The following PPM1F variants were observed in gnomAD, a reference collection of about 807,000 sequenced individuals.
The protein encoded by PPM1F is protein phosphatase 1F.
A neutral mutation model predicts 35.5 loss-of-function variants in PPM1F; 17 were observed. That is an observed-to-expected ratio of 0.48 (90% CI 0.33 to 0.72). The LOEUF (loss-of-function observed/expected upper bound fraction) is 0.72. PPM1F is among the 30% of genes least tolerant of loss of function. The pLI, the probability that PPM1F is intolerant of heterozygous loss-of-function variation, is 0.02. For missense variants in PPM1F, 521 were observed against 613.0 expected (o/e 0.85, Z 1.59); for synonymous variants, 241 against 255.5 (o/e 0.94, Z 0.54).
In PPM1F at chr22:21,939,776, C is replaced by A; in HGVS notation, c.207-96G>T. ...TGTCAGCCCACATGCTGAGGGGTCA[C>A]GGCCAGCAGGGCGGCCCCTGTCCTC... On this transcript the variant is annotated intron_variant, in intron 2 of 7. Coordinates refer to ENST00000263212, the MANE Select transcript of PPM1F (RefSeq NM_014634.4). The surrounding 1 kb of genome is among the most constrained non-coding windows in gnomAD (Gnocchi z 5.1). 7.0e-7 allele frequency: 1 copy of A among 1,436,552 alleles called. No individual in the cohort carries two copies. Among genetic ancestry groups the A allele is most frequent in the South Asian group, 1.3e-5 (1 of 78,040 alleles). 89.0% of individuals were successfully genotyped at this position (1,436,552 alleles called of 1,614,324 possible). A position where few individuals can be genotyped will look rare whatever the true frequency, so the allele number is the denominator to read the frequency against.
chr22:21,923,208 G>A lies in PPM1F; in HGVS notation c.1249C>T (p.Gln417Ter). The change falls in exon 8 of 8, where the codon CAA becomes TAA. Residue 417 changes from glutamine (Q) to a stop codon, truncating the protein, a stop_gained. Coordinates refer to ENST00000263212, the MANE Select transcript of PPM1F (RefSeq NM_014634.4). LOFTEE classifies it low-confidence loss of function (END_TRUNC). ...TVMVVFLRDPQELLEGGNQGE... is the reference protein window; with the variant it reads ...TVMVVFLRDP ...TGGTTCCCGCCCTCCAGCAGCTCTT[G>A]GGGGTCCCTGAGGAAGACCACCATG... 2 of 1,613,618 alleles carry A rather than the reference G, an allele frequency of 1.2e-6. No homozygotes were observed. Among genetic ancestry groups the A allele is most frequent in the Non-Finnish European group, 8.5e-7 (1 of 1,179,968 alleles).
At position 21,934,192 on chromosome 22, in the gene PPM1F, A is replaced by G. The variant is rs781558922; in HGVS notation, c.390T>C (p.Phe130=). Residue 130 remains phenylalanine, a synonymous_variant, in exon 4 of 8, where the codon TTT becomes TTC. Transcript: ENST00000263212. ...GGCCGGCGACTTCCCAAAGGCGGTT[A>G]AAGAAACTCTGTGCCAGGCTTTGGG... ...LDAQSLAQSF[F]NRLWEVAGQW... is the part of the protein sequence containing the mutation. 3.2e-6 allele frequency: 5 copies of G among 1,577,402 alleles called. No individual in the cohort carries two copies. In the Admixed American group the frequency reaches 9.2e-5, roughly 29 times the overall value.
intron 6 of PPM1F, among the ~76,000 whole-genome samples, chr22:21,926,544 C>G (rs738858): frequency 0.39 from 59,374 of 151,814 alleles, 11,951 homozygotes; most frequent in Middle Eastern, 0.48. Context: ...GCTTGGTCCA[C>G]CCACAAGTCC....
chr22:21,931,081 T>C, intron 6 of PPM1F, 67 bp downstream of exon 6: 3 of 1,582,258 alleles, frequency 1.9e-6, no homozygotes, highest in Non-Finnish European at 2.6e-6. Flanking sequence ...CTGGGTGGGG[T>C]TCCCCTATGG....
At chr22:21,931,729 G>A (rs1173823563) in intron 5 of PPM1F, among the ~76,000 whole-genome samples, 16 of 151,984 alleles carry the variant, frequency 1.1e-4, no homozygotes, top group Non-Finnish European at 1.5e-5. Context: ...TCTTTCCCAG[G>A]CTGGTCTTGA....
At chr22:21,934,417 T>G in intron 3 of PPM1F, 191 bp from the exon 4 acceptor site, 1 of 577,410 alleles carries the variant, frequency 1.7e-6, no homozygotes. Flanking sequence ...TTTGGCAACT[T>G]GCCCCTTGAA....
chr22:21,928,531 C>T (rs1251731569), intron 6 of PPM1F, among the ~76,000 whole-genome samples: 1 of 152,212 alleles, frequency 6.6e-6, no homozygotes, highest in Non-Finnish European at 1.5e-5. Context: ...GAAGGAGCAG[C>T]AGGTGGGTGG....
intron 7 of PPM1F, among the ~76,000 whole-genome samples, chr22:21,923,836 C>A (rs1337377913): frequency 1.3e-5 from 2 of 151,544 alleles, no homozygotes; most frequent in Non-Finnish European, 1.5e-5. Context: ...CGCCACCATG[C>A]CCAGCTAATT....
intron 7 of PPM1F, 60 bp from the exon 8 acceptor site, chr22:21,923,531 C>T (rs1359241885): frequency 1.3e-6 from 2 of 1,527,224 alleles, no homozygotes; most frequent in African/African-American, 2.7e-5. Context: ...TTCCTCCCCA[C>T]CTACCCAGGC....
chr22:21,920,690 C>T lies in PPM1F; in HGVS notation c.*2402G>A, dbSNP rs759397692. The stretch of plus-strand genomic sequence containing the variant: ...GGGACAAGCCTGGGGAAAGGGTTTC[C>T]CATACACTGAGGCTGCGAGATCTTC... On this transcript the variant is annotated 3_prime_UTR_variant, in exon 8 of 8. Coordinates refer to ENST00000263212, the MANE Select transcript of PPM1F (RefSeq NM_014634.4). 2 of 152,252 alleles carry T rather than the reference C, an allele frequency of 1.3e-5. No homozygotes were observed. Among genetic ancestry groups the T allele is most frequent in the Non-Finnish European group, 2.9e-5 (2 of 68,086 alleles). The allele number at this position is 152,252 out of a possible 1,614,324, so 9.4% of individuals were successfully genotyped here.
chr22:21,935,186 A>G (rs1253564486), intron 3 of PPM1F: 1 of 152,256 alleles, frequency 6.6e-6, no homozygotes, highest in Non-Finnish European at 1.5e-5. Flanking sequence ...AATGGCAAAG[A>G]ATGAACTCCT....
At chr22:21,930,777 GGT>G (rs2070579195) in intron 6 of PPM1F, among the ~76,000 whole-genome samples, 1 of 152,186 alleles carries the variant, frequency 6.6e-6, no homozygotes, top group African/African-American at 2.4e-5. Flanking sequence ...CCCCAAGCCA[GGT>G]TCCCTCCAGC....
At chr22:21,935,145 G>A (rs1429532187) in intron 3 of PPM1F, 4 of 152,276 alleles carry the variant, frequency 2.6e-5, no homozygotes, top group African/African-American at 9.6e-5. Flanking sequence ...AACAAACCGT[G>A]GTCGACCCAT....
At chr22:21,941,647 G>A (rs2070726577) in intron 2 of PPM1F, 1 of 152,434 alleles carries the variant, frequency 6.6e-6, no homozygotes, top group African/African-American at 2.4e-5. Flanking sequence ...GGCTAGCAAA[G>A]TGGGGATGAC....
In PPM1F at chr22:21,947,181, G is replaced by A. The variant is rs558727310; in HGVS notation, c.-60-1073C>T. On this transcript the variant is annotated intron_variant, in intron 1 of 7. Coordinates refer to ENST00000263212, the MANE Select transcript of PPM1F (RefSeq NM_014634.4). ...CTCCTAACTCCGAATCTCCATAGTC[G>A]CCTCCCCAGCCTGCCTGCCTTGCCT... The A allele has an allele frequency of 2.3e-4, 35 of 152,540 alleles. No homozygotes were observed. The East Asian group carries it at 2.9e-3, about 13-fold the overall frequency. The allele number at this position is 152,540 out of a possible 1,614,324, so 9.4% of individuals were successfully genotyped here. A position where few individuals can be genotyped will look rare whatever the true frequency, so the allele number is the denominator to read the frequency against.
Position 21,922,749 on chromosome 22 carries a change from C to T in PPM1F, c.*343G>A, listed in dbSNP as rs375386877. ...CCGCCCCAGGGTCCCACGTGCACAA[C>T]CATGCTGCCCCATGCACACCAGTGT... On this transcript the variant is annotated 3_prime_UTR_variant, in exon 8 of 8. Coordinates refer to ENST00000263212, the MANE Select transcript of PPM1F (RefSeq NM_014634.4). 316 of 224,074 alleles carry T rather than the reference C, an allele frequency of 1.4e-3. No homozygotes were observed. Among genetic ancestry groups the T allele is most frequent in the Non-Finnish European group, 2.2e-3 (249 of 115,184 alleles). 13.9% of individuals were successfully genotyped at this position (224,074 alleles called of 1,614,324 possible). A position where few individuals can be genotyped will look rare whatever the true frequency, so the allele number is the denominator to read the frequency against.
At chr22:21,942,261 A>G in intron 2 of PPM1F, 1 of 148,598 alleles carries the variant, frequency 6.7e-6, no homozygotes, top group Non-Finnish European at 1.5e-5. Flanking sequence ...ACCGGGATGG[A>G]TTCCTGATTT....
intron 1 of PPM1F, chr22:21,948,298 G>GCCC (rs1238368224): frequency 1.3e-4 from 14 of 106,868 alleles, no homozygotes; most frequent in Admixed American, 2.0e-4. Flanking sequence ...CAGTGAGATC[G>GCCC]CCACCCCCCC....
Position 21,922,284 on chromosome 22 carries a change from G to C in PPM1F, c.*808C>G, listed in dbSNP as rs1422976837. 6.6e-6 allele frequency: 1 copy of C among 152,534 alleles called. No individual in the cohort carries two copies. The allele number at this position is 152,534 out of a possible 1,614,324, so 9.4% of individuals were successfully genotyped here. On this transcript the variant is annotated 3_prime_UTR_variant, in exon 8 of 8. Coordinates refer to ENST00000263212, the MANE Select transcript of PPM1F (RefSeq NM_014634.4). ...AAAGTAAATACTTAAGTTTTCTAAA[G>C]AATAAAATAAATGCTAAGCTCTGCT...
Sources: allele counts gnomAD v4.1 joint callset (sites outside exome capture counted in the v4.1 genomes callset), GRCh38; gene constraint gnomAD v4.1.1; non-coding constraint Gnocchi (gnomAD v3.1); transcripts MANE v1.5; gene names NCBI Gene and HGNC (gene_info 2026-07-23, HGNC 2026-07-21).